The following ADCK1 variants were observed in gnomAD, a reference collection of about 807,000 sequenced individuals.
ADCK1 encodes aarF domain-containing protein kinase 1.
ADCK1 carries 41 observed loss-of-function variants against 52.3 expected under a neutral mutation model. The ratio of observed to expected loss-of-function variants is 0.78; its 90% confidence interval spans 0.61 to 1.02. ADCK1 has a LOEUF of 1.02. ADCK1 is among the 50% of genes least tolerant of loss of function. The probability of loss-of-function intolerance (pLI) is 0.00; values close to 1 mark genes in which losing one functional copy is unlikely to be tolerated. For missense variants in ADCK1, 658 were observed against 679.5 expected (o/e 0.97, Z 0.35); for synonymous variants, 250 against 274.6 (o/e 0.91, Z 0.89).
At chr14:77,821,896 A>C in intron 2 of ADCK1, among the ~76,000 whole-genome samples, 1 of 151,322 alleles carries the variant, frequency 6.6e-6, no homozygotes, top group African/African-American at 2.4e-5. Flanking sequence ...TCTCAGAAAA[A>C]AAAAAAAAAA....
At chr14:77,859,803 A>G (rs1000194796) in intron 4 of ADCK1, among the ~76,000 whole-genome samples, 1 of 152,236 alleles carries the variant, frequency 6.6e-6, no homozygotes, top group African/African-American at 2.4e-5. Flanking sequence ...GAAGGTGCTT[A>G]GTATAGTACC....
chr14:77,854,667 G>T (rs1455049149), intron 3 of ADCK1, among the ~76,000 whole-genome samples: 2 of 147,994 alleles, frequency 1.4e-5, no homozygotes, highest in African/African-American at 2.5e-5. Flanking sequence ...AGTGATTCTT[G>T]TGCCTCAGGC....
chr14:77,808,637 G>A (rs1251526778), intron 1 of ADCK1, among the ~76,000 whole-genome samples: 4 of 152,136 alleles, frequency 2.6e-5, no homozygotes, highest in South Asian at 2.1e-4. Context: ...GTGCAATGGC[G>A]TGATCTCAGC....
chr14:77,883,315 C>T (rs1316241645), intron 4 of ADCK1, among the ~76,000 whole-genome samples: 1 of 149,918 alleles, frequency 6.7e-6, no homozygotes, highest in Non-Finnish European at 1.5e-5. Flanking sequence ...GCTGCAAATG[C>T]TGCAGTTTGT....
chr14:77,821,606 C>T (rs1046384434), intron 2 of ADCK1, among the ~76,000 whole-genome samples: 3 of 151,856 alleles, frequency 2.0e-5, no homozygotes, highest in Non-Finnish European at 4.4e-5. Flanking sequence ...TAGGGCCAGG[C>T]GCGGTGGCTC....
At chr14:77,822,384 T>C in intron 2 of ADCK1, 51 bp from the exon 3 acceptor site, 4 of 1,446,692 alleles carry the variant, frequency 2.8e-6, no homozygotes, top group Non-Finnish European at 3.9e-6. Context: ...GGCAGAGTAG[T>C]AGTACTTAAT....
Position 77,843,776 on chromosome 14 carries a change from A to G in ADCK1, c.220-15300A>G, listed in dbSNP as rs538474726. ...AATCATTATTGATGCTTGTAATTCC[A>G]CCATTAGAAAGTAATTCCTTTCGCT... On this transcript the variant is annotated intron_variant, in intron 3 of 10. Transcript: ENST00000238561. 3.9e-5 allele frequency among the ~76,000 whole-genome samples: 6 copies of G among 152,260 alleles called. No individual in the cohort carries two copies. The East Asian group carries it at 1.2e-3, about 29-fold the overall frequency.
At position 77,818,960 on chromosome 14, in the gene ADCK1, T is replaced by C; in HGVS notation, c.-11-8T>C. 1 of 1,609,574 alleles carries C rather than the reference T, an allele frequency of 6.2e-7. No homozygotes were observed. Among genetic ancestry groups the C allele is most frequent in the Non-Finnish European group, 8.5e-7 (1 of 1,178,410 alleles). Reference sequence around the variant, plus strand: ...GCTATTCTTTCTCAACTTTCCTTTTTTCTGCAGGATCTGGCGACATGGCCA... The same window carrying C: ...GCTATTCTTTCTCAACTTTCCTTTTCTCTGCAGGATCTGGCGACATGGCCA... On this transcript the variant is annotated splice_polypyrimidine_tract_variant and splice_region_variant and intron_variant, in intron 1 of 10. Coordinates refer to ENST00000238561, the MANE Select transcript of ADCK1 (RefSeq NM_020421.4).
intron 4 of ADCK1, among the ~76,000 whole-genome samples, chr14:77,865,600 T>G (rs2082645106): frequency 6.6e-6 from 1 of 152,210 alleles, no homozygotes; most frequent in Non-Finnish European, 1.5e-5. Flanking sequence ...TGATTCCCTA[T>G]GTGGCCCTCA....
At chr14:77,913,638 A>C (rs1244096844) in intron 7 of ADCK1, among the ~76,000 whole-genome samples, 1 of 152,250 alleles carries the variant, frequency 6.6e-6, no homozygotes. Flanking sequence ...ATTGGATTTC[A>C]GTGAGTCTGT....
Position 77,837,970 on chromosome 14 carries a change from A to G in ADCK1, c.219+15452A>G, listed in dbSNP as rs139422793. On this transcript the variant is annotated intron_variant, in intron 3 of 10. Transcript: ENST00000238561. The stretch of plus-strand genomic sequence containing the variant: ...CGAATTGCTGGAATAGCAGGGCTAG[A>G]TGGAAGGCTGTAATATAACTAATAA... 1.4e-4 allele frequency among the ~76,000 whole-genome samples: 22 copies of G among 152,324 alleles called. No homozygotes were observed. The East Asian group carries it at 3.7e-3, about 25-fold the overall frequency.
rs1241282762 is a variant in ADCK1, at chr14:77,933,675, A to G, written c.*284A>G. 2.6e-6 allele frequency: 1 copy of G among 380,594 alleles called. No homozygotes were observed. The highest frequency in any genetic ancestry group is 4.8e-6 in the Non-Finnish European group (1 of 209,312). 23.6% of individuals were successfully genotyped at this position (380,594 alleles called of 1,614,324 possible). A position where few individuals can be genotyped will look rare whatever the true frequency, so the allele number is the denominator to read the frequency against. On this transcript the variant is annotated 3_prime_UTR_variant, in exon 11 of 11. Transcript: ENST00000238561. ...TGCCATTGGGTTGGATGTCCCCACT[A>G]CTTCCGTTAACCCTTCCCATTGTCA...
intron 4 of ADCK1, 148 bp from the exon 5 acceptor site, chr14:77,886,943 C>T (rs1566702108): frequency 1.7e-6 from 1 of 603,702 alleles, no homozygotes; most frequent in Non-Finnish European, 2.4e-6. Context: ...CACACACACG[C>T]ACAACACACA....
Position 77,865,612 on chromosome 14 carries a change from C to T in ADCK1, c.423+6333C>T, listed in dbSNP as rs201819376. On this transcript the variant is annotated intron_variant, in intron 4 of 10. Coordinates refer to ENST00000238561, the MANE Select transcript of ADCK1 (RefSeq NM_020421.4). The stretch of plus-strand genomic sequence containing the variant: ...TCATGATTCCCTATGTGGCCCTCAG[C>T]CAGGATTTCACATGTGTACCCTCGG... Among the ~76,000 whole-genome samples the T allele has an allele frequency of 3.3e-5, 5 of 152,348 alleles. No individual in the cohort carries two copies. The East Asian group carries it at 9.6e-4, about 29-fold the overall frequency.
intron 4 of ADCK1, among the ~76,000 whole-genome samples, chr14:77,863,905 C>T (rs1320621382): frequency 1.3e-5 from 2 of 151,940 alleles, no homozygotes; most frequent in Admixed American, 1.3e-4. Context: ...AAGGTTCTGT[C>T]CACCTCTGAA....
chr14:77,933,563 GTCTC>G lies in ADCK1; in HGVS notation c.*173_*176del. On this transcript the variant is annotated 3_prime_UTR_variant, in exon 11 of 11. Coordinates refer to ENST00000238561, the MANE Select transcript of ADCK1 (RefSeq NM_020421.4). Reference sequence around the variant, plus strand: ...ATCCTCTCCGCACACTGTGGCCCTTGTCTCAGGGCCCACAAGCTGAACTGTGGCA... The same window carrying G: ...ATCCTCTCCGCACACTGTGGCCCTTGAGGGCCCACAAGCTGAACTGTGGCA... 1.4e-6 allele frequency: 1 copy of G among 715,260 alleles called. No homozygotes were observed. Among genetic ancestry groups the G allele is most frequent in the Non-Finnish European group, 2.3e-6 (1 of 438,520 alleles). 44.3% of individuals were successfully genotyped at this position (715,260 alleles called of 1,614,324 possible). A position where few individuals can be genotyped will look rare whatever the true frequency, so the allele number is the denominator to read the frequency against.
Position 77,931,609 on chromosome 14 carries a change from A to C in ADCK1, c.1298A>C (p.Lys433Thr). 1 of 1,613,666 alleles carries C rather than the reference A, an allele frequency of 6.2e-7. No homozygotes were observed. The highest frequency in any genetic ancestry group is 8.5e-7 in the Non-Finnish European group (1 of 1,180,052). ...HVPRQMLLIL[K>T]TNDLLRGIEA... Reference sequence around the variant, plus strand: ...CCGCGCCAGATGCTGCTCATCTTGAAGACCAACGACCTGCTGCGTGGCATT... The same window carrying C: ...CCGCGCCAGATGCTGCTCATCTTGACGACCAACGACCTGCTGCGTGGCATT... The change falls in exon 10 of 11, where the codon AAG becomes ACG. Residue 433 changes from lysine (K) to threonine (T), a missense_variant. Physicochemically the swap from Lys to Thr is moderately conservative, Grantham distance 78. Coordinates refer to ENST00000238561, the MANE Select transcript of ADCK1 (RefSeq NM_020421.4).
intron 4 of ADCK1, among the ~76,000 whole-genome samples, chr14:77,866,370 C>T (rs1594969143): frequency 6.6e-6 from 1 of 152,182 alleles, no homozygotes; most frequent in African/African-American, 2.4e-5. Context: ...AATAATCCTC[C>T]TTTCTCTTCC....
At chr14:77,887,443 G>A (rs956144242) in intron 5 of ADCK1, among the ~76,000 whole-genome samples, 194 bp downstream of exon 5, 5 of 152,092 alleles carry the variant, frequency 3.3e-5, no homozygotes, top group African/African-American at 9.7e-5. Flanking sequence ...GGCAGCATGG[G>A]TTAGTTCTTG....
Sources: gnomAD v4.1 joint callset for allele counts (sites outside exome capture counted in the v4.1 genomes callset) on GRCh38, gnomAD v4.1.1 for gene constraint, MANE v1.5 for transcripts, NCBI Gene and HGNC (gene_info 2026-07-23, HGNC 2026-07-21) for gene names.